The following ST7 variants were observed in gnomAD, a reference collection of about 807,000 sequenced individuals.
ST7 encodes the protein suppression of tumorigenicity 7, also known as suppressor of tumorigenicity 7 protein.
ST7 carries 28 observed loss-of-function variants against 78.7 expected under a neutral mutation model. The observed-to-expected ratio is 0.36, with a 90% CI of 0.26 to 0.49. The LOEUF is 0.49. Ranked by LOEUF, ST7 falls within the 20% of genes least tolerant of loss-of-function variation. The pLI, the probability that ST7 is intolerant of heterozygous loss-of-function variation, is 0.99. For missense variants in ST7, 418 were observed against 696.0 expected (o/e 0.60, Z 4.49); for synonymous variants, 247 against 249.6 (o/e 0.99, Z 0.10).
intron 1 of ST7, chr7:116,972,198 C>G (rs1467050255): frequency 1.8e-6 from 1 of 550,694 alleles, no homozygotes; most frequent in Non-Finnish European, 3.5e-6. Flanking sequence ...GAGTCTGGAC[C>G]AGCATCTTTT....
chr7:117,186,743 T>C (rs770719151), intron 10 of ST7, among the ~76,000 whole-genome samples: 2 of 152,222 alleles, frequency 1.3e-5, no homozygotes, highest in Non-Finnish European at 2.9e-5. Flanking sequence ...TTCCCCCAGA[T>C]CATTCAGTAC....
chr7:117,028,442 T>C (rs567534593), intron 1 of ST7, among the ~76,000 whole-genome samples: 3 of 152,244 alleles, frequency 2.0e-5, no homozygotes, highest in East Asian at 1.9e-4. Context: ...AGTGACTCCA[T>C]TGGGGTATTC....
chr7:117,073,088 T>C (rs1799087003), intron 1 of ST7: 1 of 152,194 alleles, frequency 6.6e-6, no homozygotes, highest in African/African-American at 2.4e-5. Context: ...GAGGCTGGCT[T>C]CAGCCTTTGA....
At chr7:117,136,344 A>T in intron 8 of ST7, 109 bp downstream of exon 8, 1 of 1,364,678 alleles carries the variant, frequency 7.3e-7, no homozygotes, top group African/African-American at 1.4e-5. Flanking sequence ...ACAAGAGAAA[A>T]TATTGGCTTT....
intron 10 of ST7, among the ~76,000 whole-genome samples, chr7:117,185,053 A>G (rs990465601): frequency 5.3e-5 from 8 of 152,196 alleles, no homozygotes; most frequent in Admixed American, 1.3e-4. Context: ...GGCAGCCTAA[A>G]TACTTTCTCC....
chr7:117,100,430 C>T (rs536709340), intron 2 of ST7, among the ~76,000 whole-genome samples: 17 of 152,156 alleles, frequency 1.1e-4, no homozygotes, highest in African/African-American at 2.6e-4. Context: ...GCCGAGATCG[C>T]GCCATTGCAC....
At chr7:117,202,292 C>T (rs1378068844) in intron 12 of ST7, among the ~76,000 whole-genome samples, 1 of 152,136 alleles carries the variant, frequency 6.6e-6, no homozygotes, top group African/African-American at 2.4e-5. Flanking sequence ...CTCGGGTGCT[C>T]CTACTGCGCA....
At chr7:117,019,879 G>A (rs893572546) in intron 1 of ST7, among the ~76,000 whole-genome samples, 2 of 152,168 alleles carry the variant, frequency 1.3e-5, no homozygotes, top group African/African-American at 2.4e-5. Flanking sequence ...GACAGATAAT[G>A]TTTCTCATTT....
chr7:117,171,240 T>C (rs563537778), intron 10 of ST7, among the ~76,000 whole-genome samples: 5 of 152,262 alleles, frequency 3.3e-5, no homozygotes, highest in African/African-American at 1.2e-4. Flanking sequence ...CAGGCAGTTA[T>C]GTCTACTCTG....
chr7:117,216,864 C>T lies in ST7; in HGVS notation c.1406-2220C>T, dbSNP rs544851293. On this transcript the variant is annotated intron_variant, in intron 13 of 15. Transcript: ENST00000323984. ...ATAATCATGGGGGTGGAGGGCAATC[C>T]GGGAAGAGGGTGTGGGTGGGTGGGT... is the stretch of plus-strand genomic sequence containing the variant. Among the ~76,000 whole-genome samples the T allele has an allele frequency of 3.0e-4, 24 of 81,282 alleles. No individual in the cohort carries two copies. The East Asian group carries it at 5.6e-3, about 19-fold the overall frequency. The allele number at this position is 81,282 out of a possible 152,430, so 53.3% of individuals were successfully genotyped here.
intron 1 of ST7, among the ~76,000 whole-genome samples, chr7:117,057,312 G>C (rs1400704297): frequency 6.6e-6 from 1 of 152,076 alleles, no homozygotes; most frequent in Non-Finnish European, 1.5e-5. Context: ...AGCTAACCCA[G>C]TATAAAACTA....
intron 1 of ST7, among the ~76,000 whole-genome samples, chr7:117,092,278 CAAAAAAAAAA>C (rs747378081): frequency 3.3e-5 from 1 of 30,296 alleles, no homozygotes; most frequent in Non-Finnish European, 7.1e-5. Flanking sequence ...GACTCCGTCT[CAAAAAAAAAA>C]AAAAAAAAAA....
intron 9 of ST7, among the ~76,000 whole-genome samples, chr7:117,164,456 A>G (rs1807388911): frequency 6.6e-6 from 1 of 151,846 alleles, no homozygotes; most frequent in South Asian, 2.1e-4. Context: ...TGGTGACATT[A>G]GGTAGGGTGG....
At chr7:116,973,623 G>A (rs973601953) in intron 1 of ST7, among the ~76,000 whole-genome samples, 2 of 152,038 alleles carry the variant, frequency 1.3e-5, no homozygotes, top group Non-Finnish European at 1.5e-5. Context: ...TTCCCCACAT[G>A]TTTTCTTTAT....
At chr7:117,079,106 C>A (rs1799563540) in intron 1 of ST7, among the ~76,000 whole-genome samples, 2 of 152,124 alleles carry the variant, frequency 1.3e-5, no homozygotes. Flanking sequence ...TGCATGGTTG[C>A]GTCTGTACTA....
chr7:117,194,537 T>C (rs76580456), intron 12 of ST7, among the ~76,000 whole-genome samples: 1 of 152,190 alleles, frequency 6.6e-6, no homozygotes, highest in East Asian at 1.9e-4. Context: ...ATTGGGGATG[T>C]TAATGATGCT....
At chr7:117,019,230 A>G (rs1055622529) in intron 1 of ST7, among the ~76,000 whole-genome samples, 2 of 152,208 alleles carry the variant, frequency 1.3e-5, no homozygotes, top group African/African-American at 4.8e-5. Flanking sequence ...ATATGTATAT[A>G]TATTTACTTT....
chr7:117,039,976 G>A (rs1797122671), intron 1 of ST7, among the ~76,000 whole-genome samples: 1 of 152,186 alleles, frequency 6.6e-6, no homozygotes, highest in Admixed American at 6.5e-5. Flanking sequence ...CATCATGCTT[G>A]CACATGAAAA....
chr7:117,132,733 G>A (rs1270370874), intron 6 of ST7, among the ~76,000 whole-genome samples: 1 of 150,574 alleles, frequency 6.6e-6, no homozygotes, highest in Non-Finnish European at 1.5e-5. Context: ...GTAACCAGTT[G>A]ATCTACGGTT....
Sources: allele counts gnomAD v4.1 joint callset (sites outside exome capture counted in the v4.1 genomes callset), GRCh38; gene constraint gnomAD v4.1.1; transcripts MANE v1.5; gene names NCBI Gene and HGNC (gene_info 2026-07-23, HGNC 2026-07-21).